Variants in ARHGEF7 observed in about 807,000 individuals in gnomAD.
The protein encoded by ARHGEF7 is PAK-interacting exchange factor beta.
ARHGEF7 carries 33 observed loss-of-function variants against 109.8 expected under a neutral mutation model. The ratio of observed to expected loss-of-function variants is 0.30; its 90% CI spans 0.23 to 0.40. ARHGEF7 has a LOEUF of 0.40. Ranked by LOEUF, ARHGEF7 falls within the 10% of genes least tolerant of loss-of-function variation. ARHGEF7 has a pLI of 1.00. For missense variants in ARHGEF7, 938 were observed against 1,098.5 expected (o/e 0.85, Z 2.07); for synonymous variants, 458 against 424.6 (o/e 1.08, Z -0.97).
intron 2 of ARHGEF7, among the ~76,000 whole-genome samples, chr13:111,191,425 T>A (rs2079877417): frequency 6.6e-6 from 1 of 152,132 alleles, no homozygotes; most frequent in South Asian, 2.1e-4. Context: ...AACGTAAAAG[T>A]TGGATTGCAC....
At chr13:111,227,266 G>T (rs1032887369) in intron 5 of ARHGEF7, among the ~76,000 whole-genome samples, 4 of 152,244 alleles carry the variant, frequency 2.6e-5, no homozygotes, top group Admixed American at 6.5e-5. Context: ...GTAAGAAGTT[G>T]TATGTGTGTA....
intron 8 of ARHGEF7, among the ~76,000 whole-genome samples, chr13:111,265,281 G>A (rs2091518998): frequency 6.6e-6 from 1 of 152,172 alleles, no homozygotes; most frequent in African/African-American, 2.4e-5. Context: ...ACTGATAACA[G>A]CTCAGTAAAT....
chr13:111,175,943 G>A (rs1337519251), intron 2 of ARHGEF7, among the ~76,000 whole-genome samples: 1 of 152,154 alleles, frequency 6.6e-6, no homozygotes, highest in Non-Finnish European at 1.5e-5. Flanking sequence ...AGAGCGAAGG[G>A]CAGGGAAAAG....
chr13:111,225,525 T>TC (rs886328064), intron 5 of ARHGEF7, among the ~76,000 whole-genome samples: 8 of 151,732 alleles, frequency 5.3e-5, no homozygotes, highest in African/African-American at 1.7e-4. Flanking sequence ...TTTTTTTTTT[T>TC]CTCTTACAAA....
Position 111,280,573 on chromosome 13 carries a change from A to T in ARHGEF7, c.1621A>T (p.Asn541Tyr). ...TGAGCGGATATTAGTGTCGTGCAAC[A>T]ACCAGCAGGATCTGCAGGAATGGGT... ...MIERILVSCN[N>Y]QQDLQEWVEH... The change falls in exon 15 of 22, where the codon AAC (asparagine) becomes TAC (tyrosine). Residue 541 changes from asparagine to tyrosine, a missense_variant. By Grantham distance (143) the Asn-to-Tyr change is moderately radical. Transcript: ENST00000646102. 1.2e-6 allele frequency: 2 copies of T among 1,611,986 alleles called. No homozygotes were observed. Among genetic ancestry groups the T allele is most frequent in the Non-Finnish European group, 1.7e-6 (2 of 1,179,268 alleles).
Position 111,283,287 on chromosome 13 carries a change from C to T in ARHGEF7, c.1874C>T (p.Thr625Ile). The T allele has an allele frequency of 6.3e-7, 1 of 1,577,710 alleles. No individual in the cohort carries two copies. Among genetic ancestry groups the T allele is most frequent in the Non-Finnish European group, 8.6e-7 (1 of 1,165,334 alleles). ...INWGPLEPPK[T>I]PKPWSLSCLR... is the part of the protein sequence containing the mutation. ...TGGGGACCCCTGGAGCCTCCGAAAA[C>T]ACCCAAGCCCTGGAGCCTGAGCTGC... The change falls in exon 16 of 22, where the codon ACA becomes ATA. Residue 625 changes from threonine (T) to isoleucine (I), a missense_variant. Transcript: ENST00000646102.
chr13:111,277,785 G>A (rs2092570396), intron 13 of ARHGEF7, 112 bp downstream of exon 13: 2 of 714,170 alleles, frequency 2.8e-6, no homozygotes, highest in Non-Finnish European at 4.8e-6. Flanking sequence ...TGCTGTGTGT[G>A]TAGTGCTGTA....
intron 2 of ARHGEF7, among the ~76,000 whole-genome samples, chr13:111,193,082 G>C: frequency 6.6e-6 from 1 of 152,132 alleles, no homozygotes; most frequent in East Asian, 1.9e-4. Flanking sequence ...CTGTAAATAG[G>C]GATTTGGCCA....
At chr13:111,293,701 G>A (rs1245892383) in intron 19 of ARHGEF7, 2 of 985,296 alleles carry the variant, frequency 2.0e-6, no homozygotes, top group East Asian at 2.3e-4. Flanking sequence ...AGATGCCATA[G>A]TAAATTGAGA....
At chr13:111,288,237 G>A in intron 17 of ARHGEF7, 117 bp from the exon 18 acceptor site, 1 of 489,488 alleles carries the variant, frequency 2.0e-6, no homozygotes, top group Non-Finnish European at 3.7e-6. Flanking sequence ...AGAAAATCAA[G>A]GGCAGATTAT....
At chr13:111,191,030 G>C (rs72670042) in intron 2 of ARHGEF7, among the ~76,000 whole-genome samples, 3,595 of 152,254 alleles carry the variant, frequency 0.024, 73 homozygotes, top group Middle Eastern at 0.11. Flanking sequence ...GAGAGTGATT[G>C]AAAGAGGGGA....
chr13:111,202,061 GATC>G (rs1302264156), intron 2 of ARHGEF7, among the ~76,000 whole-genome samples: 4 of 152,190 alleles, frequency 2.6e-5, no homozygotes, highest in Non-Finnish European at 4.4e-5. Context: ...GGGAGTATCG[GATC>G]ATTCTATTGC....
At chr13:111,218,260 G>T (rs1408578756) in intron 5 of ARHGEF7, among the ~76,000 whole-genome samples, 3 of 152,010 alleles carry the variant, frequency 2.0e-5, no homozygotes, top group Non-Finnish European at 2.9e-5. Context: ...GGTACTTTTG[G>T]CAGTGGTGTG....
chr13:111,275,787 T>C, intron 12 of ARHGEF7, 109 bp downstream of exon 12: 1 of 1,381,358 alleles, frequency 7.2e-7, no homozygotes, highest in Non-Finnish European at 1.0e-6. Flanking sequence ...ATAGAAGCTC[T>C]ATCTTATAAT....
intron 6 of ARHGEF7, among the ~76,000 whole-genome samples, chr13:111,237,777 T>C (rs1271795143): frequency 6.6e-6 from 1 of 152,224 alleles, no homozygotes; most frequent in Non-Finnish European, 1.5e-5. Context: ...TAACAGAATA[T>C]GAAATTACAC....
chr13:111,204,642 G>A (rs1032646310), intron 2 of ARHGEF7, among the ~76,000 whole-genome samples: 1 of 152,188 alleles, frequency 6.6e-6, no homozygotes, highest in African/African-American at 2.4e-5. Flanking sequence ...AATGTGACCA[G>A]CTCCATCGTG....
At position 111,283,246 on chromosome 13, in the gene ARHGEF7, G is replaced by A. The variant is rs61758711; in HGVS notation, c.1833G>A (p.Pro611=). The A allele has an allele frequency of 1.8e-5, 28 of 1,561,350 alleles. No individual in the cohort carries two copies. The highest frequency in any genetic ancestry group is 5.4e-5 in the Admixed American group (3 of 55,940). Residue 611 remains proline (P), a synonymous_variant, in exon 16 of 22, where the codon CCG becomes CCA. Coordinates refer to ENST00000646102, the MANE Select transcript of ARHGEF7 (RefSeq NM_001354046.2). ...TLPHPSHHGT[P]HTTINWGPLE... is the part of the protein sequence containing the mutation. ...CCCACCCCTCCCACCACGGCACCCCGCACACCACCATCAACTGGGGACCCC... is the reference window on the plus strand; with the variant it reads ...CCCACCCCTCCCACCACGGCACCCCACACACCACCATCAACTGGGGACCCC...
chr13:111,147,690 CTT>C (rs11463808), intron 1 of ARHGEF7, among the ~76,000 whole-genome samples: 123 of 82,388 alleles, frequency 1.5e-3, no homozygotes, highest in East Asian at 0.013. Flanking sequence ...CAGAGGTCAC[CTT>C]TTTTTTTTTT....
Position 111,217,865 on chromosome 13 carries a change from G to A in ARHGEF7, c.655G>A (p.Glu219Lys), listed in dbSNP as rs775954288. Reference sequence around the variant, plus strand: ...CTGGTTCCCCAGCAACTACGTGCGCGAGGTCAAGGCCAGCGGTAAGTGGCC... The same window carrying A: ...CTGGTTCCCCAGCAACTACGTGCGCAAGGTCAAGGCCAGCGGTAAGTGGCC... Reference protein sequence around the residue: ...TGWFPSNYVREVKASEKPVSP... With the variant: ...TGWFPSNYVRKVKASEKPVSP... The change falls in exon 5 of 22, where the codon GAG (glutamate) becomes AAG (lysine). Residue 219 changes from glutamate to lysine, a missense_variant. Glu to Lys is a moderately conservative substitution (Grantham distance 56). This residue lies in a region of ARHGEF7 where 585 missense variants were observed against 723.6 expected (regional missense o/e 0.81). Transcript: ENST00000646102. The A allele has an allele frequency of 2.2e-5, 35 of 1,612,706 alleles. No homozygotes were observed. Among genetic ancestry groups the A allele is most frequent in the South Asian group, 5.5e-5 (5 of 91,042 alleles).
Sources: allele counts gnomAD v4.1 joint callset (sites outside exome capture counted in the v4.1 genomes callset), GRCh38; gene constraint gnomAD v4.1.1; regional missense constraint gnomAD v4.1.1; transcripts MANE v1.5; gene names NCBI Gene and HGNC (gene_info 2026-07-23, HGNC 2026-07-21).